ZNF521: variants seen among roughly 807,000 people sequenced by gnomAD.
ZNF521 encodes zinc finger protein 521, also known as LYST-interacting protein 3.
ZNF521 carries 14 observed loss-of-function variants against 105.5 expected under a neutral mutation model. That is an observed-to-expected ratio of 0.13 (90% CI 0.09 to 0.21). The LOEUF (loss-of-function observed/expected upper bound fraction) is 0.21, where lower values mean the gene tolerates loss of function less well. Ranked by LOEUF, ZNF521 falls within the 10% of genes least tolerant of loss-of-function variation. ZNF521 has a pLI of 1.00. For missense variants in ZNF521, 1,233 were observed against 1,629.7 expected (o/e 0.76, Z 4.19); for synonymous variants, 635 against 606.0 (o/e 1.05, Z -0.70).
At chr18:25,128,397 T>A (rs1419330590) in intron 5 of ZNF521, among the ~76,000 whole-genome samples, 1 of 151,944 alleles carries the variant, frequency 6.6e-6, no homozygotes, top group Admixed American at 6.6e-5. Flanking sequence ...CCCTCTAAGA[T>A]CTGAAACAAG....
chr18:25,146,016 G>A (rs1352370132), intron 5 of ZNF521, among the ~76,000 whole-genome samples: 2 of 139,588 alleles, frequency 1.4e-5, no homozygotes, highest in East Asian at 4.4e-4. Flanking sequence ...ACCAGGCATG[G>A]TGCTTAATGT....
intron 3 of ZNF521, among the ~76,000 whole-genome samples, chr18:25,259,210 AG>A (rs1908735335): frequency 2.0e-5 from 3 of 152,176 alleles, no homozygotes; most frequent in African/African-American, 7.2e-5. Flanking sequence ...AGGTACCAGG[AG>A]GGATCTCTGA....
chr18:25,224,732 T>C lies in ZNF521; in HGVS notation c.3186A>G (p.Gln1062=), dbSNP rs1694609026. 6.2e-7 allele frequency: 1 copy of C among 1,614,034 alleles called. No homozygotes were observed. Residue 1062 remains glutamine (Q), a synonymous_variant, in exon 4 of 8, where the codon CAA becomes CAG. Transcript: ENST00000361524. The stretch of plus-strand genomic sequence containing the variant: ...GGCAAGATGCGCACTTATACAGTTT[T>C]TGGACGTGCTGGCCCCGCCCTGTGG... The part of the protein sequence containing the change: ...VQTTGRGQHV[Q]KLYKCASCLK...
In ZNF521 at chr18:25,333,362, G is replaced by A. The variant is rs567656798; in HGVS notation, c.41-11175C>T. On this transcript the variant is annotated intron_variant, in intron 2 of 7. Coordinates refer to ENST00000361524, the MANE Select transcript of ZNF521 (RefSeq NM_015461.3). ...CACATATATATATGTAAATATATAC[G>A]CGGAGGGAGCATATTCTCAGAGGGT... Among the ~76,000 whole-genome samples the A allele has an allele frequency of 2.4e-4, 36 of 150,050 alleles. 1 individual carries two copies. The South Asian group carries it at 6.3e-3, about 26-fold the overall frequency.
At position 25,225,508 on chromosome 18, in the gene ZNF521, T is replaced by C. The variant is rs1213325162; in HGVS notation, c.2410A>G (p.Thr804Ala). 3.1e-6 allele frequency: 5 copies of C among 1,614,030 alleles called. No individual in the cohort carries two copies. Among genetic ancestry groups the C allele is most frequent in the Non-Finnish European group, 4.2e-6 (5 of 1,180,016 alleles). ...TTGCAGTTGTACTTCTTACTGTGAG[T>C]GGTGATGTGGCATTGCAGCTCCACC... is the stretch of plus-strand genomic sequence containing the variant. ...TEVELQCHIT[T>A]HSKKYNCKFC... Residue 804 changes from threonine to alanine, a missense_variant, in exon 4 of 8, where the codon ACT (threonine) becomes GCT (alanine). Around this residue, in one of 6 missense-constraint regions of ZNF521, gnomAD observed 614 missense variants for 751.5 expected, o/e 0.82. Coordinates refer to ENST00000361524, the MANE Select transcript of ZNF521 (RefSeq NM_015461.3). This position sits in a 1 kb window ranked among gnomAD's most constrained non-coding sequence, Gnocchi z 5.6.
chr18:25,077,547 A>T (rs1297380156), intron 7 of ZNF521, among the ~76,000 whole-genome samples: 1 of 152,088 alleles, frequency 6.6e-6, no homozygotes, highest in Admixed American at 6.5e-5. Context: ...TTTTAAGAGT[A>T]AAAACAGGCT....
intron 2 of ZNF521, among the ~76,000 whole-genome samples, chr18:25,331,146 C>T (rs1233664812): frequency 2.6e-5 from 4 of 152,200 alleles, no homozygotes; most frequent in African/African-American, 7.2e-5. Context: ...TAGTCTCTAA[C>T]TTCCTGCAAA....
chr18:25,099,109 T>C (rs939746568), intron 5 of ZNF521, among the ~76,000 whole-genome samples: 2 of 152,122 alleles, frequency 1.3e-5, no homozygotes, highest in African/African-American at 4.8e-5. Flanking sequence ...AGGGCAAGGG[T>C]ATTTGTCTGT....
At chr18:25,250,130 G>T (rs146856828) in intron 3 of ZNF521, among the ~76,000 whole-genome samples, 6 of 152,036 alleles carry the variant, frequency 3.9e-5, no homozygotes, top group South Asian at 4.2e-4. Flanking sequence ...TAGTAGAGAC[G>T]GGGTTTCATC....
intron 4 of ZNF521, among the ~76,000 whole-genome samples, chr18:25,211,694 T>G (rs1378213960): frequency 6.6e-6 from 1 of 152,216 alleles, no homozygotes; most frequent in African/African-American, 2.4e-5. Flanking sequence ...TTGTTTTCAC[T>G]CCCTATATGA....
chr18:25,171,453 G>A (rs1253407420), intron 5 of ZNF521, among the ~76,000 whole-genome samples: 1 of 152,110 alleles, frequency 6.6e-6, no homozygotes, highest in Non-Finnish European at 1.5e-5. Flanking sequence ...CAGAGCAAGA[G>A]AAGTAATGAT....
chr18:25,335,410 C>T (rs1675826374), intron 2 of ZNF521, among the ~76,000 whole-genome samples: 1 of 152,122 alleles, frequency 6.6e-6, no homozygotes, highest in Non-Finnish European at 1.5e-5. Flanking sequence ...CTCTCCTGTC[C>T]TCAAAACACT....
At chr18:25,112,654 G>A (rs66702172) in intron 5 of ZNF521, among the ~76,000 whole-genome samples, 14 of 151,990 alleles carry the variant, frequency 9.2e-5, no homozygotes, top group Admixed American at 2.6e-4. Context: ...TGTGGGGTGC[G>A]GGGGGGCAGA....
intron 5 of ZNF521, among the ~76,000 whole-genome samples, chr18:25,131,293 T>C (rs902114167): frequency 6.6e-6 from 1 of 152,166 alleles, no homozygotes; most frequent in African/African-American, 2.4e-5. Context: ...ACAAGGTTCT[T>C]GATGGTCTGG....
intron 7 of ZNF521, among the ~76,000 whole-genome samples, chr18:25,077,274 A>C (rs2144150211): frequency 6.6e-6 from 1 of 152,214 alleles, no homozygotes; most frequent in African/African-American, 2.4e-5. Context: ...GTATTTACTC[A>C]CCTCTGTTCT....
chr18:25,136,487 T>G (rs1453020441), intron 5 of ZNF521, among the ~76,000 whole-genome samples: 2 of 152,218 alleles, frequency 1.3e-5, no homozygotes, highest in African/African-American at 2.4e-5. Flanking sequence ...CATTGAATTC[T>G]TTCTATAGCC....
Position 25,245,090 on chromosome 18 carries a change from T to C in ZNF521, c.221-17393A>G, listed in dbSNP as rs1907611158. Among the ~76,000 whole-genome samples, 3 of 152,238 alleles carry C rather than the reference T, an allele frequency of 2.0e-5. No homozygotes were observed. The East Asian group carries it at 5.8e-4, about 29-fold the overall frequency. On this transcript the variant is annotated intron_variant, in intron 3 of 7. Transcript: ENST00000361524. ...GAAAACAAATGAATCAACTTTGCTA[T>C]AGCAAATTTTCATTGATCTCATTTT... is the stretch of plus-strand genomic sequence containing the variant.
chr18:25,193,805 TATTA>T (rs2035857763), intron 5 of ZNF521, among the ~76,000 whole-genome samples: 1 of 151,988 alleles, frequency 6.6e-6, no homozygotes, highest in Non-Finnish European at 1.5e-5. Context: ...TCACGAATAA[TATTA>T]ATACTTAAAT....
chr18:25,342,404 C>T (rs1232901174), intron 2 of ZNF521, among the ~76,000 whole-genome samples: 2 of 119,584 alleles, frequency 1.7e-5, no homozygotes, highest in African/African-American at 6.4e-5. Flanking sequence ...CTTTTCTTTC[C>T]TTTGTTTTTT....
Sources: gnomAD v4.1 joint callset for allele counts (sites outside exome capture counted in the v4.1 genomes callset) on GRCh38, gnomAD v4.1.1 for gene constraint, gnomAD v4.1.1 regional missense constraint, Gnocchi (gnomAD v3.1) non-coding constraint, MANE v1.5 for transcripts, NCBI Gene and HGNC (gene_info 2026-07-23, HGNC 2026-07-21) for gene names.